The following ZNF597 variants were observed in gnomAD, a reference collection of about 807,000 sequenced individuals.
ZNF597 encodes the protein zinc finger protein 597.
Under a neutral mutation model 7.3 loss-of-function variants are expected in ZNF597, and 5 were observed. That is an observed-to-expected ratio of 0.68 (90% CI 0.36 to 1.44). ZNF597 has a LOEUF of 1.44. ZNF597 is among the 40% of genes most tolerant of loss of function. The pLI is 0.04. For missense variants in ZNF597, 585 were observed against 517.9 expected (o/e 1.13, Z -1.26); for synonymous variants, 209 against 185.4 (o/e 1.13, Z -1.04).
At position 3,437,498 on chromosome 16, in the gene ZNF597, T is replaced by G; in HGVS notation, c.201A>C (p.Leu67=). 2 of 1,608,694 alleles carry G rather than the reference T, an allele frequency of 1.2e-6. No individual in the cohort carries two copies. Among genetic ancestry groups the G allele is most frequent in the Non-Finnish European group, 1.7e-6 (2 of 1,178,338 alleles). ...GKPEINQQLS[L]ESMELDELAL... ...CAAGCTCGTCAAGTTCCATAGACTC[T>G]AGGCTTAACTGCTGATTAATCTCAG... is the stretch of plus-strand genomic sequence containing the variant. The change falls in exon 4 of 4, where the codon CTA becomes CTC. Residue 67 remains leucine, a synonymous_variant. Transcript: ENST00000301744.
In ZNF597 at chr16:3,435,316, T is replaced by C. The variant is rs2034289183; in HGVS notation, c.*1108A>G. On this transcript the variant is annotated 3_prime_UTR_variant, in exon 4 of 4. Transcript: ENST00000301744. Reference sequence around the variant, plus strand: ...CAAAGGGAATGAAGGGGTTCCAGGATGCAAGCACACAGAATCGCCTCCATG... The same window carrying C: ...CAAAGGGAATGAAGGGGTTCCAGGACGCAAGCACACAGAATCGCCTCCATG... 1.3e-5 allele frequency: 2 copies of C among 152,340 alleles called. No homozygotes were observed. Among genetic ancestry groups the C allele is most frequent in the African/African-American group, 2.4e-5 (1 of 41,572 alleles). 9.4% of individuals were successfully genotyped at this position (152,340 alleles called of 1,614,324 possible).
Position 3,437,145 on chromosome 16 carries a change from T to C in ZNF597, c.554A>G (p.Lys185Arg), listed in dbSNP as rs1242247500. 6.2e-7 allele frequency: 1 copy of C among 1,614,046 alleles called. No individual in the cohort carries two copies. Among genetic ancestry groups the C allele is most frequent in the Non-Finnish European group, 8.5e-7 (1 of 1,180,042 alleles). ...GAAGATCTTTCCACAGTCACCACAT[T>C]TATGTTTTTTCTCTCCTGAATGAAT... ...QKIHSGEKKHKCGDCGKIFNH... is the reference protein window; with the variant it reads ...QKIHSGEKKHRCGDCGKIFNH... The change falls in exon 4 of 4, where the codon AAA becomes AGA. Residue 185 changes from lysine (K) to arginine (R), a missense_variant. Lys to Arg is a conservative substitution (Grantham distance 26). Transcript: ENST00000301744.
At position 3,433,777 on chromosome 16, in the gene ZNF597, G is replaced by A. The variant is rs1205657254; in HGVS notation, c.*2647C>T. ...GTATTTAAGTACAACTGCACAATAA[G>A]CACAACTGAAAATATGCCTCTTTCA... On this transcript the variant is annotated 3_prime_UTR_variant, in exon 4 of 4. Coordinates refer to ENST00000301744, the MANE Select transcript of ZNF597 (RefSeq NM_152457.3). 1 of 152,112 alleles carries A rather than the reference G, an allele frequency of 6.6e-6. No individual in the cohort carries two copies. Among genetic ancestry groups the A allele is most frequent in the African/African-American group, 2.4e-5 (1 of 41,404 alleles). 9.4% of individuals were successfully genotyped at this position (152,112 alleles called of 1,614,324 possible).
chr16:3,436,976 T>C lies in ZNF597; in HGVS notation c.723A>G (p.Thr241=). ...MNSHVKEKPY[T]CSICGRGFMW... is the part of the protein sequence containing the mutation. ...TAAAACCTCTACCACATATGCTACA[T>C]GTATAGGGCTTCTCCTTTACGTGGC... The change falls in exon 4 of 4, where the codon ACA becomes ACG. Residue 241 remains threonine (T), a synonymous_variant. Coordinates refer to ENST00000301744, the MANE Select transcript of ZNF597 (RefSeq NM_152457.3). 3 of 1,614,216 alleles carry C rather than the reference T, an allele frequency of 1.9e-6. No individual in the cohort carries two copies. Among genetic ancestry groups the C allele is most frequent in the African/African-American group, 1.3e-5 (1 of 75,072 alleles).
In ZNF597 at chr16:3,443,150, C is replaced by T; in HGVS notation, c.4G>A (p.Ala2Thr). 1 of 1,613,146 alleles carries T rather than the reference C, an allele frequency of 6.2e-7. No individual in the cohort carries two copies. The highest frequency in any genetic ancestry group is 8.5e-7 in the Non-Finnish European group (1 of 1,179,544). Residue 2 changes from alanine to threonine, a missense_variant, in exon 2 of 4, where the codon GCG becomes ACG. Coordinates refer to ENST00000301744, the MANE Select transcript of ZNF597 (RefSeq NM_152457.3). Reference protein sequence around the residue: MASMPPTPEAQG... With the variant: MTSMPPTPEAQG... ...GCCTCGGGCGTCGGGGGCATGGACG[C>T]CATTTGGCGGGTGGGGAATGCCTTC...
chr16:3,437,727 G>A (rs1289570214), intron 3 of ZNF597, among the ~76,000 whole-genome samples, 189 bp from the exon 4 acceptor site: 1 of 119,358 alleles, frequency 8.4e-6, no homozygotes, highest in Non-Finnish European at 1.8e-5. Context: ...CCAGTTTTGG[G>A]TGAATATCCA....
rs570204265 is a variant in ZNF597 at position 3,434,921 on chromosome 16, G to A, written c.*1503C>T. 5 of 152,166 alleles carry A rather than the reference G, an allele frequency of 3.3e-5. No homozygotes were observed. In the East Asian group the frequency reaches 9.6e-4, roughly 29 times the overall value. The allele number at this position is 152,166 out of a possible 1,614,324, so 9.4% of individuals were successfully genotyped here. A position where few individuals can be genotyped will look rare whatever the true frequency, so the allele number is the denominator to read the frequency against. On this transcript the variant is annotated 3_prime_UTR_variant, in exon 4 of 4. Coordinates refer to ENST00000301744, the MANE Select transcript of ZNF597 (RefSeq NM_152457.3). ...TTGTTTTGCTGATAGGCATACAATC[G>A]ACTTTAATGAGAAATTGTATATGAA...
At chr16:3,437,768 C>CA (rs1343192445) in intron 3 of ZNF597, among the ~76,000 whole-genome samples, 1 of 152,074 alleles carries the variant, frequency 6.6e-6, no homozygotes, top group Non-Finnish European at 1.5e-5. Context: ...ATAACTAAGT[C>CA]AGAGTCCAGT....
Position 3,435,648 on chromosome 16 carries a change from A to G in ZNF597, c.*776T>C, listed in dbSNP as rs1198857436. ...GCATGCTCACTGAGAAACAATTACA[A>G]TTATTCATAGTAAGACAGGTAATGT... On this transcript the variant is annotated 3_prime_UTR_variant, in exon 4 of 4. Transcript: ENST00000301744. 6.6e-6 allele frequency: 1 copy of G among 152,202 alleles called. No homozygotes were observed. The highest frequency in any genetic ancestry group is 2.4e-5 in the African/African-American group (1 of 41,442). The allele number at this position is 152,202 out of a possible 1,614,324, so 9.4% of individuals were successfully genotyped here.
Position 3,432,821 on chromosome 16 carries a change from G to C in ZNF597, c.*3603C>G, listed in dbSNP as rs1038452664. 21 of 152,166 alleles carry C rather than the reference G, an allele frequency of 1.4e-4. No homozygotes were observed. Among genetic ancestry groups the C allele is most frequent in the African/African-American group, 4.6e-4 (19 of 41,444 alleles). 9.4% of individuals were successfully genotyped at this position (152,166 alleles called of 1,614,324 possible). The stretch of plus-strand genomic sequence containing the variant: ...TGAATACATACACTTCTAATGTAAT[G>C]AACATCATTTTGTTAAACAGATGGT... On this transcript the variant is annotated 3_prime_UTR_variant, in exon 4 of 4. Transcript: ENST00000301744.
intron 3 of ZNF597, 129 bp downstream of exon 3, chr16:3,440,678 C>A: frequency 8.2e-7 from 1 of 1,216,206 alleles, no homozygotes; most frequent in Non-Finnish European, 1.1e-6. Flanking sequence ...TTCTCTCACA[C>A]AATTATCACC....
At position 3,437,041 on chromosome 16, in the gene ZNF597, T is replaced by C. The variant is rs147050683; in HGVS notation, c.658A>G (p.Ser220Gly). 12 of 1,614,062 alleles carry C rather than the reference T, an allele frequency of 7.4e-6. No homozygotes were observed. The African/African-American group carries it at 8.0e-5, about 11-fold the overall frequency. ...KPYKCAKCSA[S>G]FRQHSHLSRH... ...GATAGATGAGAGTGCTGGCGAAAGC[T>C]GGCACTGCACTTGGCACACTTATAA... The change falls in exon 4 of 4, where the codon AGC becomes GGC. Residue 220 changes from serine to glycine, a missense_variant. By Grantham distance (56) the Ser-to-Gly change is moderately conservative. Transcript: ENST00000301744.
At position 3,436,756 on chromosome 16, in the gene ZNF597, C is replaced by G; in HGVS notation, c.943G>C (p.Glu315Gln). ...FRQSLYPALS[E>Q]KSHDEDSERC... ...TCAGAGTCCTCGTCGTGGCTCTTCT[C>G]GGAAAGGGCAGGATATAAGGACTGC... The change falls in exon 4 of 4, where the codon GAG (glutamate) becomes CAG (glutamine). Residue 315 changes from glutamate to glutamine, a missense_variant. Transcript: ENST00000301744. The G allele has an allele frequency of 6.2e-7, 1 of 1,613,748 alleles. No homozygotes were observed. Among genetic ancestry groups the G allele is most frequent in the Non-Finnish European group, 8.5e-7 (1 of 1,180,024 alleles).
At position 3,436,501 on chromosome 16, in the gene ZNF597, T is replaced by A; in HGVS notation, c.1198A>T (p.Thr400Ser). 1 of 1,614,238 alleles carries A rather than the reference T, an allele frequency of 6.2e-7. No homozygotes were observed. Among genetic ancestry groups the A allele is most frequent in the Non-Finnish European group, 8.5e-7 (1 of 1,180,036 alleles). Residue 400 changes from threonine to serine, a missense_variant, in exon 4 of 4, where the codon ACC (threonine) becomes TCC (serine). Thr to Ser is a moderately conservative substitution (Grantham distance 58). Transcript: ENST00000301744. ...GACTTGAAAGTTTTCCCACACACGG[T>A]ACATTTAAAAGGTTCCGCTAGCATG... ...SHMLAEPFKC[T>S]VCGKTFKSNL...
Position 3,432,910 on chromosome 16 carries a change from T to C in ZNF597, c.*3514A>G, listed in dbSNP as rs1454397127. Reference sequence around the variant, plus strand: ...TAACAAGTTTAATGAACATTCAAAATAGACTATTCATATAAACTATAACCT... The same window carrying C: ...TAACAAGTTTAATGAACATTCAAAACAGACTATTCATATAAACTATAACCT... On this transcript the variant is annotated 3_prime_UTR_variant, in exon 4 of 4. Coordinates refer to ENST00000301744, the MANE Select transcript of ZNF597 (RefSeq NM_152457.3). The C allele has an allele frequency of 6.6e-6, 1 of 152,246 alleles. No individual in the cohort carries two copies. The highest frequency in any genetic ancestry group is 1.5e-5 in the Non-Finnish European group (1 of 68,036). 9.4% of individuals were successfully genotyped at this position (152,246 alleles called of 1,614,324 possible).
Position 3,436,540 on chromosome 16 carries a change from G to A in ZNF597, c.1159C>T (p.His387Tyr). ...SFALDSELAC[H>Y]QKSHMLAEPF... is the part of the protein sequence containing the mutation. ...TCCGCTAGCATGTGGCTCTTCTGGTGGCATGCAAGTTCTGAGTCCAAAGCA... is the reference window on the plus strand; with the variant it reads ...TCCGCTAGCATGTGGCTCTTCTGGTAGCATGCAAGTTCTGAGTCCAAAGCA... The change falls in exon 4 of 4, where the codon CAC (histidine) becomes TAC (tyrosine). Residue 387 changes from histidine to tyrosine, a missense_variant. His to Tyr is a moderately conservative substitution (Grantham distance 83). Coordinates refer to ENST00000301744, the MANE Select transcript of ZNF597 (RefSeq NM_152457.3). 3.7e-6 allele frequency: 6 copies of A among 1,613,994 alleles called. No homozygotes were observed. Among genetic ancestry groups the A allele is most frequent in the Non-Finnish European group, 5.1e-6 (6 of 1,179,946 alleles).
chr16:3,436,711 C>A lies in ZNF597; in HGVS notation c.988G>T (p.Asp330Tyr), dbSNP rs557811882. 1.2e-5 allele frequency: 19 copies of A among 1,614,116 alleles called. No homozygotes were observed. The East Asian group carries it at 4.2e-4, about 36-fold the overall frequency. The change falls in exon 4 of 4, where the codon GAC (aspartate) becomes TAC (tyrosine). Residue 330 changes from aspartate (D) to tyrosine (Y), a missense_variant. Physicochemically the swap from Asp to Tyr is radical, Grantham distance 160 (BLOSUM62 -3). Transcript: ENST00000301744. ...EDSERCSDDG[D>Y]NFFSFSKFKP... ...AATTTTGAGAATGAGAAGAAATTGT[C>A]CCCATCATCGCTGCAGCGTTCAGAG...
intron 2 of ZNF597, among the ~76,000 whole-genome samples, chr16:3,442,341 GC>G (rs1252093561): frequency 6.6e-6 from 1 of 152,052 alleles, no homozygotes; most frequent in Non-Finnish European, 1.5e-5. Flanking sequence ...ATAGCTGAAG[GC>G]CAGGAGTTCC....
chr16:3,437,040 C>G lies in ZNF597; in HGVS notation c.659G>C (p.Ser220Thr). 1 of 1,614,154 alleles carries G rather than the reference C, an allele frequency of 6.2e-7. No individual in the cohort carries two copies. The highest frequency in any genetic ancestry group is 1.1e-5 in the South Asian group (1 of 91,088). The change falls in exon 4 of 4, where the codon AGC becomes ACC. Residue 220 changes from serine to threonine, a missense_variant. Transcript: ENST00000301744. The part of the protein sequence containing the change: ...KPYKCAKCSA[S>T]FRQHSHLSRH... The stretch of plus-strand genomic sequence containing the variant: ...GGATAGATGAGAGTGCTGGCGAAAG[C>G]TGGCACTGCACTTGGCACACTTATA...
Sources: gnomAD v4.1 joint callset for allele counts (sites outside exome capture counted in the v4.1 genomes callset) on GRCh38, gnomAD v4.1.1 for gene constraint, MANE v1.5 for transcripts, NCBI Gene and HGNC (gene_info 2026-07-23, HGNC 2026-07-21) for gene names.